The following ANKRD22 variants were observed in gnomAD, a reference collection of about 807,000 sequenced individuals.
The protein encoded by ANKRD22 is ankyrin repeat domain 22, also known as ankyrin repeat domain-containing protein 22.
A neutral mutation model predicts 25.7 loss-of-function variants in ANKRD22; 24 were observed. The ratio of observed to expected loss-of-function variants is 0.93; its 90% CI spans 0.68 to 1.31. The LOEUF (loss-of-function observed/expected upper bound fraction) is 1.31. ANKRD22 is among the 50% of genes most tolerant of loss of function. ANKRD22 has a pLI of 0.00. For missense variants in ANKRD22, 214 were observed against 227.1 expected (o/e 0.94, Z 0.37); for synonymous variants, 84 against 84.3 (o/e 1.00, Z 0.02).
At position 88,850,893 on chromosome 10, in the gene ANKRD22, G is replaced by A. The variant is rs112522045; in HGVS notation, c.21+694C>T. Among the ~76,000 whole-genome samples, 12 of 152,128 alleles carry A rather than the reference G, an allele frequency of 7.9e-5. 2 individuals are homozygous for A. Among genetic ancestry groups the A allele is most frequent in the African/African-American group, 2.9e-4 (12 of 41,516 alleles). On this transcript the variant is annotated intron_variant, in intron 1 of 5. Coordinates refer to ENST00000371930, the MANE Select transcript of ANKRD22 (RefSeq NM_144590.3). ...AAATGCAGATTAACCAGTTAATTGT[G>A]TCAGAGGAGAGAGAGAGTAAATTAT...
intron 1 of ANKRD22, 33 bp from the exon 2 acceptor site, chr10:88,832,059 A>G: frequency 6.4e-7 from 1 of 1,565,740 alleles, no homozygotes; most frequent in Non-Finnish European, 8.6e-7. Context: ...AGGTTTTGAA[A>G]TACTGGCATA....
Position 88,832,020 on chromosome 10 carries a change from A to C in ANKRD22, c.28T>G (p.Cys10Gly), listed in dbSNP as rs200891481. ...AAGTCATTCTGATAGGCTGCTTGGC[A>C]GATGGGCTGGGTCGGGAAAAACAAA... Reference protein sequence around the residue: MGILYSEPICQAAYQNDFGQ... With the variant: MGILYSEPIGQAAYQNDFGQ... Residue 10 changes from cysteine (C) to glycine (G), a missense_variant, in exon 2 of 6, where the codon TGC becomes GGC. Coordinates refer to ENST00000371930, the MANE Select transcript of ANKRD22 (RefSeq NM_144590.3). 2 of 1,605,134 alleles carry C rather than the reference A, an allele frequency of 1.2e-6. No individual in the cohort carries two copies. The highest frequency in any genetic ancestry group is 1.7e-6 in the Non-Finnish European group (2 of 1,176,402).
intron 1 of ANKRD22, among the ~76,000 whole-genome samples, chr10:88,849,409 G>A (rs927539807): frequency 6.6e-6 from 1 of 152,126 alleles, no homozygotes. Context: ...CTCTTATGGA[G>A]CATGACATAT....
At chr10:88,825,011 T>A (rs1756774) in intron 4 of ANKRD22, among the ~76,000 whole-genome samples, 64,229 of 111,244 alleles carry the variant, frequency 0.58, 16,162 homozygotes, top group East Asian at 0.66. Flanking sequence ...TCTCTCTCTC[T>A]CACACACACA....
rs1033707438 is a variant in ANKRD22, at chr10:88,851,695, G to A, written c.-88C>T. ...ATGAATATCAAAATCCTTCCTGGCT[G>A]AGAGGAAAGTCCCTAGAAGTCCAAG... On this transcript the variant is annotated 5_prime_UTR_variant, in exon 1 of 6. Transcript: ENST00000371930. 1.2e-5 allele frequency: 19 copies of A among 1,524,368 alleles called. No individual in the cohort carries two copies. In the African/African-American group the frequency reaches 2.2e-4, roughly 18 times the overall value. The allele number at this position is 1,524,368 out of a possible 1,614,324, so 94.4% of individuals were successfully genotyped here.
intron 1 of ANKRD22, among the ~76,000 whole-genome samples, chr10:88,846,010 A>T (rs80076214): frequency 3.4e-3 from 520 of 152,286 alleles, no homozygotes; most frequent in African/African-American, 0.012. Flanking sequence ...GAACCATTTC[A>T]GCTATTTCAC....
chr10:88,847,305 C>G (rs1844058206), intron 1 of ANKRD22, among the ~76,000 whole-genome samples: 1 of 152,006 alleles, frequency 6.6e-6, no homozygotes, highest in Admixed American at 6.6e-5. Flanking sequence ...GTTGCCCAGG[C>G]TGGAGTGCAG....
chr10:88,824,557 G>C (rs183953573), intron 4 of ANKRD22, among the ~76,000 whole-genome samples: 1 of 152,162 alleles, frequency 6.6e-6, no homozygotes, highest in Non-Finnish European at 1.5e-5. Context: ...TACTCAGATA[G>C]TTTTTGAAAA....
At chr10:88,836,353 G>T (rs1843954208) in intron 1 of ANKRD22, among the ~76,000 whole-genome samples, 1 of 152,186 alleles carries the variant, frequency 6.6e-6, no homozygotes, top group African/African-American at 2.4e-5. Flanking sequence ...TATGTACTTA[G>T]TGAGTAAATA....
At position 88,820,286 on chromosome 10, in the gene ANKRD22, A is replaced by G. The variant is rs1457221086; in HGVS notation, c.*2655T>C. On this transcript the variant is annotated 3_prime_UTR_variant, in exon 6 of 6. Coordinates refer to ENST00000371930, the MANE Select transcript of ANKRD22 (RefSeq NM_144590.3). ...TATGACGGTCCCTACAGCAATGTGGACAGGAGGTCAGGACTGGCTTTCAAA... is the reference window on the plus strand; with the variant it reads ...TATGACGGTCCCTACAGCAATGTGGGCAGGAGGTCAGGACTGGCTTTCAAA... The G allele has an allele frequency of 2.6e-6, 4 of 1,551,926 alleles. No individual in the cohort carries two copies. Among genetic ancestry groups the G allele is most frequent in the Non-Finnish European group, 3.5e-6 (4 of 1,147,078 alleles).
intron 1 of ANKRD22, among the ~76,000 whole-genome samples, chr10:88,835,182 A>C (rs1451621243): frequency 6.6e-6 from 1 of 152,158 alleles, no homozygotes; most frequent in Non-Finnish European, 1.5e-5. Flanking sequence ...GAAGAAGAGG[A>C]AAAGATGGGG....
chr10:88,847,148 T>G (rs1016745180), intron 1 of ANKRD22, among the ~76,000 whole-genome samples: 2 of 152,222 alleles, frequency 1.3e-5, no homozygotes, highest in African/African-American at 2.4e-5. Flanking sequence ...CATTTGTAGC[T>G]TTGTGGAATG....
chr10:88,841,296 C>A (rs911090094), intron 1 of ANKRD22, among the ~76,000 whole-genome samples: 1 of 151,988 alleles, frequency 6.6e-6, no homozygotes, highest in Non-Finnish European at 1.5e-5. Flanking sequence ...CAGACCACCA[C>A]AGAGGTATTC....
intron 1 of ANKRD22, among the ~76,000 whole-genome samples, chr10:88,844,142 G>A (rs1314499055): frequency 1.3e-5 from 2 of 152,126 alleles, no homozygotes; most frequent in Non-Finnish European, 2.9e-5. Context: ...GTAACTTTCA[G>A]GAGGAAGAAA....
intron 1 of ANKRD22, among the ~76,000 whole-genome samples, chr10:88,837,266 G>A (rs1306997806): frequency 6.6e-6 from 1 of 152,182 alleles, no homozygotes; most frequent in Non-Finnish European, 1.5e-5. Context: ...TTCTTTATAA[G>A]TTTCAGAAAG....
rs911659313 is a variant in ANKRD22, at chr10:88,823,306, G to C, written c.472C>G (p.Arg158Gly). 3.7e-5 allele frequency: 59 copies of C among 1,613,600 alleles called. No individual in the cohort carries two copies. The highest frequency in any genetic ancestry group is 4.8e-5 in the Non-Finnish European group (57 of 1,179,644). The change falls in exon 5 of 6, where the codon CGT (arginine) becomes GGT (glycine). Residue 158 changes from arginine to glycine, a missense_variant. By Grantham distance (125) the Arg-to-Gly change is moderately radical. Transcript: ENST00000371930. ...QSLIPLLLEA[R>G]ADPTIKNKHG... is the part of the protein sequence containing the mutation. ...TTATTCTTTATTGTGGGGTCTGCAC[G>C]GGCTTCCAAGAGCAGAGGGATAAGA...
chr10:88,851,351 A>G (rs1006281092), intron 1 of ANKRD22, among the ~76,000 whole-genome samples: 1 of 152,204 alleles, frequency 6.6e-6, no homozygotes, highest in South Asian at 2.1e-4. Flanking sequence ...AATGTGTATT[A>G]TATTCATCTC....
chr10:88,851,493 A>C, intron 1 of ANKRD22, 94 bp downstream of exon 1: 1 of 1,443,294 alleles, frequency 6.9e-7, no homozygotes, highest in Non-Finnish European at 9.7e-7. Context: ...AACAGACAAA[A>C]CAGAAATATA....
chr10:88,850,348 C>T (rs1339881165), intron 1 of ANKRD22, among the ~76,000 whole-genome samples: 4 of 151,856 alleles, frequency 2.6e-5, no homozygotes, highest in East Asian at 1.9e-4. Flanking sequence ...AATCTTAGGT[C>T]CCACCCAGGT....
Sources: allele counts gnomAD v4.1 joint callset (sites outside exome capture counted in the v4.1 genomes callset), GRCh38; gene constraint gnomAD v4.1.1; transcripts MANE v1.5; gene names NCBI Gene and HGNC (gene_info 2026-07-23, HGNC 2026-07-21).